GNAT3: variants seen among roughly 807,000 people sequenced by gnomAD.
The protein encoded by GNAT3 is G protein subunit alpha transducin 3.
Under a neutral mutation model 37.7 loss-of-function variants are expected in GNAT3, and 31 were observed. The ratio of observed to expected loss-of-function variants is 0.82; its 90% CI spans 0.62 to 1.11. GNAT3 has a LOEUF of 1.11. Among genes scored for constraint, GNAT3 ranks in the 50% most tolerant of loss-of-function variants. The probability of loss-of-function intolerance (pLI) is 0.00; values close to 1 mark genes in which losing one functional copy is unlikely to be tolerated. For missense variants in GNAT3, 437 were observed against 412.5 expected, an observed-to-expected ratio of 1.06 and a Z score of -0.51; for synonymous variants, 138 against 139.8, an observed-to-expected ratio of 0.99 and a Z score of 0.09.
intron 2 of GNAT3, among the ~76,000 whole-genome samples, chr7:80,489,959 T>C (rs1240669332): frequency 6.6e-6 from 1 of 152,054 alleles, no homozygotes; most frequent in Non-Finnish European, 1.5e-5. Flanking sequence ...CAAAGAAAAA[T>C]GATAAAAACA....
chr7:80,466,633 C>A (rs1282400027), intron 5 of GNAT3, among the ~76,000 whole-genome samples: 1 of 151,804 alleles, frequency 6.6e-6, no homozygotes, highest in Non-Finnish European at 1.5e-5. Flanking sequence ...ATAAACTCCC[C>A]AGGAGGAGGA....
chr7:80,466,290 C>T (rs913424501), intron 5 of GNAT3, among the ~76,000 whole-genome samples: 4 of 152,064 alleles, frequency 2.6e-5, no homozygotes, highest in African/African-American at 9.7e-5. Flanking sequence ...GTCTTGTCAA[C>T]CTTTGTAGTC....
intron 3 of GNAT3, among the ~76,000 whole-genome samples, chr7:80,487,506 A>G (rs1399965472): frequency 6.6e-6 from 1 of 152,192 alleles, no homozygotes; most frequent in Non-Finnish European, 1.5e-5. Context: ...CTTTACATTA[A>G]GAGCACAGAA....
intron 1 of GNAT3, among the ~76,000 whole-genome samples, chr7:80,497,501 G>A (rs1790737553): frequency 6.6e-6 from 1 of 150,854 alleles, no homozygotes; most frequent in African/African-American, 2.4e-5. Context: ...CTGTACAAAT[G>A]ACAGAATATC....
intron 7 of GNAT3, among the ~76,000 whole-genome samples, chr7:80,461,492 C>A (rs1048977428): frequency 2.0e-5 from 3 of 151,864 alleles, no homozygotes; most frequent in Non-Finnish European, 2.9e-5. Context: ...AAGGCTACAG[C>A]CTGAGCGACA....
chr7:80,479,415 A>C (rs1164967635), intron 3 of GNAT3, among the ~76,000 whole-genome samples: 1 of 151,992 alleles, frequency 6.6e-6, no homozygotes, highest in Non-Finnish European at 1.5e-5. Context: ...CTAGAAAAAA[A>C]AAGCCAAGTA....
At position 80,478,836 on chromosome 7, in the gene GNAT3, C is replaced by T. The variant is rs1790344894; in HGVS notation, c.461+5G>A. The T allele has an allele frequency of 1.9e-6, 3 of 1,611,982 alleles. No homozygotes were observed. The Admixed American group carries it at 5.0e-5, about 27-fold the overall frequency. On this transcript the variant is annotated splice_donor_5th_base_variant and intron_variant, in intron 4 of 7. Transcript: ENST00000398291. ...TCCAATTCCCCTTAAAGTGAATTCA[C>T]TTACTAAGCTGCTGAGTCATTGAGC...
chr7:80,499,833 G>A (rs1790799947), intron 1 of GNAT3, among the ~76,000 whole-genome samples: 1 of 152,140 alleles, frequency 6.6e-6, no homozygotes, highest in Admixed American at 6.5e-5. Flanking sequence ...TGGTCTCACT[G>A]AAAGTCAGTT....
At chr7:80,503,907 G>T (rs1302642193) in intron 1 of GNAT3, among the ~76,000 whole-genome samples, 1 of 152,154 alleles carries the variant, frequency 6.6e-6, no homozygotes, top group Non-Finnish European at 1.5e-5. Context: ...ACCCACCAAG[G>T]TTTAAGAACA....
At position 80,473,648 on chromosome 7, in the gene GNAT3, G is replaced by A. The variant is rs549227230; in HGVS notation, c.590+603C>T. ...TTAAGGGATATTTTCTAACATTATAGTATGGGTTTCCATTTCTTGGTATAG... is the reference window on the plus strand; with the variant it reads ...TTAAGGGATATTTTCTAACATTATAATATGGGTTTCCATTTCTTGGTATAG... On this transcript the variant is annotated intron_variant, in intron 5 of 7. Transcript: ENST00000398291. Among the ~76,000 whole-genome samples, 16 of 152,182 alleles carry A rather than the reference G, an allele frequency of 1.1e-4. No homozygotes were observed. The South Asian group carries it at 3.3e-3, about 32-fold the overall frequency.
chr7:80,472,400 A>G (rs1384060660), intron 5 of GNAT3, among the ~76,000 whole-genome samples: 1 of 152,166 alleles, frequency 6.6e-6, no homozygotes, highest in Non-Finnish European at 1.5e-5. Flanking sequence ...AGTGACAGGG[A>G]TAAGCATGGA....
intron 1 of GNAT3, among the ~76,000 whole-genome samples, chr7:80,505,492 G>A (rs762357735): frequency 1.3e-5 from 2 of 151,920 alleles, no homozygotes; most frequent in South Asian, 2.1e-4. Context: ...TCAGCCTCCC[G>A]AGTAGCTGGG....
chr7:80,460,848 C>A (rs946683249), intron 7 of GNAT3, among the ~76,000 whole-genome samples: 6 of 151,934 alleles, frequency 3.9e-5, no homozygotes, highest in African/African-American at 1.5e-4. Context: ...CACACCAAAG[C>A]AGTTCTCTAA....
chr7:80,479,388 C>T (rs1292231035), intron 3 of GNAT3, among the ~76,000 whole-genome samples: 1 of 151,270 alleles, frequency 6.6e-6, no homozygotes, highest in Non-Finnish European at 1.5e-5. Context: ...TTTTTTTAAT[C>T]ATCGCCATGA....
intron 3 of GNAT3, among the ~76,000 whole-genome samples, chr7:80,482,738 G>T (rs1452535266): frequency 1.4e-5 from 2 of 144,404 alleles, no homozygotes; most frequent in Non-Finnish European, 1.5e-5. Flanking sequence ...TCACCATGTT[G>T]GCCAGGATGG....
intron 3 of GNAT3, among the ~76,000 whole-genome samples, chr7:80,481,950 A>G (rs574778994): frequency 3.3e-5 from 5 of 152,300 alleles, no homozygotes; most frequent in African/African-American, 1.2e-4. Flanking sequence ...TCCCGCTTCA[A>G]ATTGTCCTGC....
chr7:80,493,627 CTCCTCCTCTTTCCTCCTCCTCCTCCTCTT>C (rs1790640459), intron 2 of GNAT3, among the ~76,000 whole-genome samples: 1 of 108,278 alleles, frequency 9.2e-6, no homozygotes, highest in African/African-American at 5.3e-5. Flanking sequence ...TTTCCTCTTC[CTCCTCCTCTTTCCTCCTCCTCCTCCTCTT>C]TCCTCCTCCT....
chr7:80,484,079 C>T (rs557643310), intron 3 of GNAT3, among the ~76,000 whole-genome samples: 3 of 152,156 alleles, frequency 2.0e-5, no homozygotes, highest in East Asian at 1.9e-4. Context: ...CCTATCAACT[C>T]ATCTTCATTC....
rs548942931 is a variant in GNAT3 at position 80,491,545 on chromosome 7, T to A, written c.162-2869A>T. On this transcript the variant is annotated intron_variant, in intron 2 of 7. Transcript: ENST00000398291. ...ACAGTAGAGACACTAACATTTTAAA[T>A]GTAGTCAGAGATAGAGTTAGAAGAA... Among the ~76,000 whole-genome samples, 5 of 152,182 alleles carry A rather than the reference T, an allele frequency of 3.3e-5. No individual in the cohort carries two copies. In the East Asian group the frequency reaches 9.7e-4, roughly 29 times the overall value.
Sources: gnomAD v4.1 joint callset for allele counts (sites outside exome capture counted in the v4.1 genomes callset) on GRCh38, gnomAD v4.1.1 for gene constraint, MANE v1.5 for transcripts, NCBI Gene and HGNC (gene_info 2026-07-23, HGNC 2026-07-21) for gene names.